Variants in PCLO observed in about 807,000 individuals in gnomAD.
PCLO encodes the protein protein piccolo.
In PCLO, 82 loss-of-function variants were observed where a neutral mutation model predicts 427.5. The ratio of observed to expected loss-of-function variants is 0.19; its 90% CI spans 0.16 to 0.23. The LOEUF (loss-of-function observed/expected upper bound fraction) is 0.23, where lower values mean the gene tolerates loss of function less well. PCLO is among the 10% of genes least tolerant of loss of function. The pLI is 1.00. For missense variants in PCLO, 6,239 were observed against 6,115.9 expected, an observed-to-expected ratio of 1.02 and a Z score of -0.67; for synonymous variants, 2,357 against 2,155.4, an observed-to-expected ratio of 1.09 and a Z score of -2.59.
At chr7:83,113,795 G>GA (rs1791064537) in intron 3 of PCLO, among the ~76,000 whole-genome samples, 1 of 151,830 alleles carries the variant, frequency 6.6e-6, no homozygotes. Context: ...ACAAACAAAA[G>GA]AAAAAAGGAG....
chr7:83,011,148 G>A (rs2115989631), intron 3 of PCLO, among the ~76,000 whole-genome samples: 1 of 151,854 alleles, frequency 6.6e-6, no homozygotes, highest in African/African-American at 2.4e-5. Context: ...TACTTTTCTT[G>A]CTTTTTCAGG....
rs1355435721 is a variant in PCLO at position 83,070,406 on chromosome 7, G to T, written c.3300+63844C>A. ...TTTTGTGGTTTTTTTTTTTTTTTTG[G>T]AGACCAAGTCTCGCTCTGTCACCCA... On this transcript the variant is annotated intron_variant, in intron 3 of 24. Coordinates refer to ENST00000333891, the MANE Select transcript of PCLO (RefSeq NM_033026.6). 2.3e-5 allele frequency among the ~76,000 whole-genome samples: 3 copies of T among 128,040 alleles called. No individual in the cohort carries two copies. The Admixed American group carries it at 2.5e-4, about 11-fold the overall frequency. 84.0% of individuals were successfully genotyped at this position (128,040 alleles called of 152,430 possible).
chr7:83,003,926 TAA>T (rs548822286), intron 3 of PCLO, among the ~76,000 whole-genome samples: 2 of 143,860 alleles, frequency 1.4e-5, no homozygotes. Flanking sequence ...TTGTATTAAC[TAA>T]AAAAAAAAAA....
At chr7:82,811,271 T>C (rs1319702377) in intron 20 of PCLO, among the ~76,000 whole-genome samples, 1 of 151,662 alleles carries the variant, frequency 6.6e-6, no homozygotes, top group East Asian at 1.9e-4. Flanking sequence ...TGGGAATTTT[T>C]ACCCCCTGTA....
intron 1 of PCLO, among the ~76,000 whole-genome samples, chr7:83,159,129 G>A (rs753488376): frequency 6.6e-6 from 1 of 151,956 alleles, no homozygotes; most frequent in Non-Finnish European, 1.5e-5. Flanking sequence ...ATGAATAAGT[G>A]GATGATTAAC....
In PCLO at chr7:82,953,747, T is replaced by C. The variant is rs1437260468; in HGVS notation, c.7206A>G (p.Ser2402=). The C allele has an allele frequency of 1.9e-6, 3 of 1,541,134 alleles. No individual in the cohort carries two copies. The highest frequency in any genetic ancestry group is 1.8e-6 in the Non-Finnish European group (2 of 1,140,142). The change falls in exon 5 of 25, where the codon TCA becomes TCG. Residue 2402 remains serine (S), a synonymous_variant. Transcript: ENST00000333891. ...GGGGAGGAGGGGGAGGAGGTTGAGC[T>C]GATATATCCAAAGAAGAACTTCTAA... is the stretch of plus-strand genomic sequence containing the variant. ...PFFRSSSLDI[S]AQPPPPPPPP...
At chr7:83,010,195 T>C (rs951227792) in intron 3 of PCLO, among the ~76,000 whole-genome samples, 1 of 151,986 alleles carries the variant, frequency 6.6e-6, no homozygotes, top group Admixed American at 6.6e-5. Flanking sequence ...ATTCTAGAAC[T>C]ACTTCAAGCA....
rs749292764 is a variant in PCLO at position 82,915,937 on chromosome 7, C to T, written c.12049G>A (p.Glu4017Lys). The change falls in exon 7 of 25, where the codon GAA becomes AAA. Residue 4017 changes from glutamate to lysine, a missense_variant. Physicochemically the swap from Glu to Lys is moderately conservative, Grantham distance 56. Transcript: ENST00000333891. ...NSLDLRIGLE[E>K]RSSMASSPIS... ...GGACTGCTTGCCATGCTACTTCTTT[C>T]CTCCAAACCTATTCTCAAGTCTAAA... is the stretch of plus-strand genomic sequence containing the variant. 8.1e-6 allele frequency: 13 copies of T among 1,613,186 alleles called. No homozygotes were observed. Among genetic ancestry groups the T allele is most frequent in the African/African-American group, 1.3e-5 (1 of 75,042 alleles).
rs1299291933 is a variant in PCLO, at chr7:83,155,327, C to G, written c.1314G>C (p.Lys438Asn). The change falls in exon 2 of 25, where the codon AAG becomes AAC. Residue 438 changes from lysine to asparagine, a missense_variant. Physicochemically the swap from Lys to Asn is moderately conservative, Grantham distance 94. Coordinates refer to ENST00000333891, the MANE Select transcript of PCLO (RefSeq NM_033026.6). ...CTGGCCCAGGCTGCTGAACTGGAGT[C>G]TTTGTAGGCCCAGGTGCCTTAGCTG... ...QSPAKAPGPTKTPVQQPGPGK... is the reference protein window; with the variant it reads ...QSPAKAPGPTNTPVQQPGPGK... The G allele has an allele frequency of 6.2e-7, 1 of 1,613,408 alleles. No homozygotes were observed. Among genetic ancestry groups the G allele is most frequent in the Non-Finnish European group, 8.5e-7 (1 of 1,179,766 alleles).
At position 82,966,111 on chromosome 7, in the gene PCLO, T is replaced by C. The variant is rs75882660; in HGVS notation, c.3677A>G (p.Lys1226Arg). ...TGGCTTTTTTTCTTCAGAACGTATCTTTTCTTCTTCAGGGATTAGTTTTTT... is the reference window on the plus strand; with the variant it reads ...TGGCTTTTTTTCTTCAGAACGTATCCTTTCTTCTTCAGGGATTAGTTTTTT... ...EEKKLIPEEE[K>R]IRSEEKKPLL... Residue 1226 changes from lysine (K) to arginine (R), a missense_variant, in exon 4 of 25, where the codon AAG becomes AGG. Coordinates refer to ENST00000333891, the MANE Select transcript of PCLO (RefSeq NM_033026.6). 3.7e-4 allele frequency: 597 copies of C among 1,607,348 alleles called. 4 individuals carry two copies. In the East Asian group the frequency reaches 0.012, roughly 34 times the overall value.
At chr7:83,157,183 ATAT>A (rs1792323608) in intron 1 of PCLO, among the ~76,000 whole-genome samples, 1 of 152,198 alleles carries the variant, frequency 6.6e-6, no homozygotes, top group Non-Finnish European at 1.5e-5. Flanking sequence ...CATTCATCAA[ATAT>A]TATCCTTATG....
rs780380082 is a variant in PCLO, at chr7:82,965,940, T to C, written c.3848A>G (p.Lys1283Arg). The change falls in exon 4 of 25, where the codon AAG becomes AGG. Residue 1283 changes from lysine (K) to arginine (R), a missense_variant. By Grantham distance (26) the Lys-to-Arg change is conservative (BLOSUM62 2). Transcript: ENST00000333891. Reference protein sequence around the residue: ...EEKLEGRVAPKTVQEGKQPQT... With the variant: ...EEKLEGRVAPRTVQEGKQPQT... ...TGGTTGTTTCCCTTCTTGCACTGTC[T>C]TTGGAGCCACTCTGCCTTCAAGCTT... 1.2e-6 allele frequency: 2 copies of C among 1,613,946 alleles called. No homozygotes were observed. The highest frequency in any genetic ancestry group is 8.5e-7 in the Non-Finnish European group (1 of 1,179,868).
Position 82,761,231 on chromosome 7 carries a change from T to C in PCLO, c.15142+128A>G, listed in dbSNP as rs866731030. The C allele has an allele frequency of 1.2e-5, 7 of 564,620 alleles. No individual in the cohort carries two copies. The Middle Eastern group carries it at 1.4e-3, about 115-fold the overall frequency. 35.0% of individuals were successfully genotyped at this position (564,620 alleles called of 1,614,324 possible). A position where few individuals can be genotyped will look rare whatever the true frequency, so the allele number is the denominator to read the frequency against. Reference sequence around the variant, plus strand: ...CTGAAAGAAAACAACTTGTTACATATGTTAATCAGTTATTTTTTCTGACAT... The same window carrying C: ...CTGAAAGAAAACAACTTGTTACATACGTTAATCAGTTATTTTTTCTGACAT... On this transcript the variant is annotated intron_variant, in intron 23 of 24. Coordinates refer to ENST00000333891, the MANE Select transcript of PCLO (RefSeq NM_033026.6).
At chr7:82,795,937 C>A (rs1017879455) in intron 22 of PCLO, among the ~76,000 whole-genome samples, 1 of 152,136 alleles carries the variant, frequency 6.6e-6, no homozygotes, top group Non-Finnish European at 1.5e-5. Flanking sequence ...ATCAGAGCAA[C>A]AACTCCCAGT....
chr7:82,791,432 A>C (rs1791099230), intron 22 of PCLO, among the ~76,000 whole-genome samples: 6 of 152,154 alleles, frequency 3.9e-5, no homozygotes, highest in Admixed American at 3.9e-4. Flanking sequence ...TCCACTTTGG[A>C]TGATAACAGC....
At chr7:83,010,889 C>A (rs1048979954) in intron 3 of PCLO, among the ~76,000 whole-genome samples, 3 of 152,000 alleles carry the variant, frequency 2.0e-5, no homozygotes, top group African/African-American at 7.2e-5. Context: ...CATCTATCAC[C>A]ATACTCTCTT....
intron 3 of PCLO, among the ~76,000 whole-genome samples, chr7:83,006,334 A>G (rs1787944916): frequency 6.6e-6 from 1 of 151,648 alleles, no homozygotes; most frequent in Admixed American, 6.6e-5. Context: ...ACAGAAAAAA[A>G]TACTTGAATA....
At chr7:82,766,194 G>A (rs1255608180) in intron 22 of PCLO, among the ~76,000 whole-genome samples, 1 of 152,028 alleles carries the variant, frequency 6.6e-6, no homozygotes, top group Non-Finnish European at 1.5e-5. Flanking sequence ...TTTGAGAGTG[G>A]CAGCCTTGGC....
chr7:82,760,139 A>C (rs1790400799), intron 24 of PCLO, among the ~76,000 whole-genome samples: 1 of 151,966 alleles, frequency 6.6e-6, no homozygotes, highest in Admixed American at 6.6e-5. Flanking sequence ...AAGTGAGTGG[A>C]AAAGTATCCA....
Sources: gnomAD v4.1 joint callset for allele counts (sites outside exome capture counted in the v4.1 genomes callset) on GRCh38, gnomAD v4.1.1 for gene constraint, MANE v1.5 for transcripts, NCBI Gene and HGNC (gene_info 2026-07-23, HGNC 2026-07-21) for gene names.